Variants in TOX3 observed in about 807,000 individuals in gnomAD.
TOX3 encodes TOX high mobility group box family member 3, also known as CAG trinucleotide repeat-containing gene F9 protein.
A neutral mutation model predicts 64.3 loss-of-function variants in TOX3; 22 were observed. That is an observed-to-expected ratio of 0.34 (90% CI 0.24 to 0.49). The LOEUF (loss-of-function observed/expected upper bound fraction) is 0.49, where lower values mean the gene tolerates loss of function less well. Ranked by LOEUF, TOX3 falls within the 20% of genes least tolerant of loss-of-function variation. The pLI is 0.99. For missense variants in TOX3, 661 were observed against 714.4 expected (o/e 0.93, Z 0.85); for synonymous variants, 291 against 273.6 (o/e 1.06, Z -0.63).
At chr16:52,533,136 T>C (rs1305514377) in intron 1 of TOX3, among the ~76,000 whole-genome samples, 1 of 152,180 alleles carries the variant, frequency 6.6e-6, no homozygotes, top group Non-Finnish European at 1.5e-5. Context: ...AGAGAGATGT[T>C]GAAGACGAGG....
chr16:52,530,060 C>T (rs1047800980), intron 1 of TOX3, among the ~76,000 whole-genome samples: 1 of 152,218 alleles, frequency 6.6e-6, no homozygotes, highest in African/African-American at 2.4e-5. Flanking sequence ...GGAAGCAAGG[C>T]ATCTTCTTCA....
intron 1 of TOX3, among the ~76,000 whole-genome samples, chr16:52,488,520 C>G (rs1042305521): frequency 6.6e-6 from 1 of 152,150 alleles, no homozygotes; most frequent in Non-Finnish European, 1.5e-5. Context: ...AGAAAAGACA[C>G]AAGAAGTGTT....
intron 1 of TOX3, among the ~76,000 whole-genome samples, chr16:52,543,764 G>A (rs1963122518): frequency 2.0e-5 from 3 of 152,032 alleles, no homozygotes; most frequent in African/African-American, 4.8e-5. Context: ...TACTTGCAAC[G>A]ACTTTTGAAC....
chr16:52,490,671 C>A (rs1961657803), intron 1 of TOX3, among the ~76,000 whole-genome samples: 1 of 125,394 alleles, frequency 8.0e-6, no homozygotes, highest in South Asian at 2.8e-4. Flanking sequence ...GCTCTGTCAC[C>A]CAGGCTGGAG....
intron 3 of TOX3, among the ~76,000 whole-genome samples, chr16:52,453,871 TAGAC>T (rs1960437076): frequency 6.6e-6 from 1 of 152,200 alleles, no homozygotes; most frequent in Admixed American, 6.5e-5. Flanking sequence ...CTCCTGCTGA[TAGAC>T]AGCCAAGGTT....
chr16:52,518,984 G>A (rs1962527034), intron 1 of TOX3, among the ~76,000 whole-genome samples: 1 of 152,194 alleles, frequency 6.6e-6, no homozygotes, highest in African/African-American at 2.4e-5. Context: ...TAATGAGCCT[G>A]GATTTAGAGG....
chr16:52,520,804 A>G (rs992003071), intron 1 of TOX3, among the ~76,000 whole-genome samples: 3 of 152,174 alleles, frequency 2.0e-5, no homozygotes, highest in Non-Finnish European at 4.4e-5. Flanking sequence ...GTGTAACCCT[A>G]AACATTTTTT....
chr16:52,474,595 T>G (rs1961153514), intron 1 of TOX3, among the ~76,000 whole-genome samples: 2 of 143,054 alleles, frequency 1.4e-5, no homozygotes, highest in African/African-American at 2.6e-5. Context: ...CTAGCCAGGG[T>G]GACAAAGTGA....
intron 1 of TOX3, among the ~76,000 whole-genome samples, chr16:52,504,208 T>C (rs1344824265): frequency 3.9e-5 from 6 of 152,092 alleles, no homozygotes; most frequent in South Asian, 2.1e-4. Flanking sequence ...GGCTCACACC[T>C]ATAATCCCAG....
At chr16:52,449,050 C>T (rs1960255290) in intron 4 of TOX3, among the ~76,000 whole-genome samples, 1 of 152,166 alleles carries the variant, frequency 6.6e-6, no homozygotes, top group African/African-American at 2.4e-5. Flanking sequence ...TCCTAAAATG[C>T]CTGCTAATCT....
At chr16:52,526,021 C>T (rs1031524699) in intron 1 of TOX3, among the ~76,000 whole-genome samples, 14 of 152,136 alleles carry the variant, frequency 9.2e-5, no homozygotes, top group Admixed American at 8.5e-4. Context: ...ATAAGAATTT[C>T]CCACTGCCTT....
chr16:52,495,533 A>T (rs1961824081), intron 1 of TOX3, among the ~76,000 whole-genome samples: 1 of 152,192 alleles, frequency 6.6e-6, no homozygotes. Context: ...GGGGAGTATT[A>T]CTTTCTCCTC....
intron 6 of TOX3, among the ~76,000 whole-genome samples, chr16:52,441,254 G>A (rs1456044898): frequency 5.3e-5 from 8 of 152,238 alleles, no homozygotes; most frequent in South Asian, 4.1e-4. Context: ...TTATAACAAG[G>A]TTCACTCAAG....
At chr16:52,503,219 G>A (rs1177200923) in intron 1 of TOX3, among the ~76,000 whole-genome samples, 1 of 152,148 alleles carries the variant, frequency 6.6e-6, no homozygotes, top group Non-Finnish European at 1.5e-5. Context: ...ACAGAATAAA[G>A]AGCAAGCCTT....
At chr16:52,516,839 C>A (rs1045390111) in intron 1 of TOX3, among the ~76,000 whole-genome samples, 2 of 152,130 alleles carry the variant, frequency 1.3e-5, no homozygotes, top group African/African-American at 4.8e-5. Context: ...TTGTTCACAA[C>A]TGTACATGTT....
chr16:52,464,288 A>G lies in TOX3; in HGVS notation c.154-100T>C, dbSNP rs1352602123. 3 of 1,216,366 alleles carry G rather than the reference A, an allele frequency of 2.5e-6. No individual in the cohort carries two copies. The African/African-American group carries it at 4.7e-5, about 19-fold the overall frequency. 75.3% of individuals were successfully genotyped at this position (1,216,366 alleles called of 1,614,324 possible). On this transcript the variant is annotated intron_variant, in intron 2 of 6. Transcript: ENST00000219746. Reference sequence around the variant, plus strand: ...GACATTGCATGAAAACACTACATACATATCTAGGCCAAATATTTATTTCTC... The same window carrying G: ...GACATTGCATGAAAACACTACATACGTATCTAGGCCAAATATTTATTTCTC...
At chr16:52,546,563 G>T in intron 1 of TOX3, 74 bp downstream of exon 1, 1 of 1,386,756 alleles carries the variant, frequency 7.2e-7, no homozygotes, top group Non-Finnish European at 9.7e-7. Flanking sequence ...AGCAGGCGGT[G>T]AGCCCGAGCG....
At chr16:52,460,928 G>A (rs1221662070) in intron 3 of TOX3, among the ~76,000 whole-genome samples, 2 of 152,158 alleles carry the variant, frequency 1.3e-5, no homozygotes. Context: ...GAAGGTCAGA[G>A]TGAGACTTCA....
intron 1 of TOX3, among the ~76,000 whole-genome samples, chr16:52,482,745 A>C (rs939541532): frequency 6.6e-6 from 1 of 152,194 alleles, no homozygotes; most frequent in African/African-American, 2.4e-5. Context: ...CGAAGTGTAC[A>C]TATTACCATA....
Sources: gnomAD v4.1 joint callset for allele counts (sites outside exome capture counted in the v4.1 genomes callset) on GRCh38, gnomAD v4.1.1 for gene constraint, MANE v1.5 for transcripts, NCBI Gene and HGNC (gene_info 2026-07-23, HGNC 2026-07-21) for gene names.